The following SBF1 variants were observed in gnomAD, a reference collection of about 807,000 sequenced individuals.
SBF1 encodes SET binding factor 1.
SBF1 carries 65 observed loss-of-function variants against 215.8 expected under a neutral mutation model. The ratio of observed to expected loss-of-function variants is 0.30; its 90% CI spans 0.25 to 0.37. SBF1 has a LOEUF of 0.37. Among genes scored for constraint, SBF1 ranks in the 10% least tolerant of loss-of-function variants. The probability of loss-of-function intolerance (pLI) is 1.00; values close to 1 mark genes in which losing one functional copy is unlikely to be tolerated. For synonymous variants in SBF1, 1,410 were observed against 1,122.8 expected (o/e 1.26, Z -5.11); for missense variants, 2,634 against 2,667.8 (o/e 0.99, Z 0.28).
At chr22:50,449,311 G>A (rs756267510) in intron 36 of SBF1, among the ~76,000 whole-genome samples, 6 of 151,762 alleles carry the variant, frequency 4.0e-5, no homozygotes, top group Non-Finnish European at 8.8e-5. Flanking sequence ...AGAACATACA[G>A]TAAATTCAAG....
chr22:50,454,902 G>A lies in SBF1; in HGVS notation c.4724C>T (p.Pro1575Leu), dbSNP rs199779197. Residue 1575 changes from proline (P) to leucine (L), a missense_variant, in exon 35 of 41, where the codon CCG (proline) becomes CTG (leucine). Physicochemically the swap from Pro to Leu is moderately conservative, Grantham distance 98. Transcript: ENST00000380817. The part of the protein sequence containing the change: ...EEKGERRGQV[P>L]CRSVWEYVDR... ...CACATACTCCCACACAGACCTGCAC[G>A]GCACCTGGCCCCTGCGTTCCCCCTT... is the stretch of plus-strand genomic sequence containing the variant. 662 of 1,613,930 alleles carry A rather than the reference G, an allele frequency of 4.1e-4. No individual in the cohort carries two copies. The highest frequency in any genetic ancestry group is 5.5e-4 in the Non-Finnish European group (647 of 1,180,000).
At chr22:50,472,686 C>A (rs946375508) in intron 1 of SBF1, among the ~76,000 whole-genome samples, 1 of 152,208 alleles carries the variant, frequency 6.6e-6, no homozygotes, top group Non-Finnish European at 1.5e-5. Context: ...ACAAGGCTAT[C>A]AAGGGGCAAA....
At chr22:50,462,794 AG>A in intron 17 of SBF1, 75 bp downstream of exon 17, 1 of 1,605,032 alleles carries the variant, frequency 6.2e-7, no homozygotes, top group Non-Finnish European at 8.5e-7. Flanking sequence ...GCCACCAGGA[AG>A]GGGGGCTGGG....
At chr22:50,450,033 C>T (rs1257443719) in intron 36 of SBF1, among the ~76,000 whole-genome samples, 3 of 152,166 alleles carry the variant, frequency 2.0e-5, no homozygotes, top group Non-Finnish European at 4.4e-5. Flanking sequence ...CTTGCTGAGC[C>T]GAGGAGGCAG....
chr22:50,459,205 C>T lies in SBF1; in HGVS notation c.3826+50G>A, dbSNP rs570608684. On this transcript the variant is annotated intron_variant, in intron 28 of 40. Transcript: ENST00000380817. ...GCCTGCCAAACCATAAATGCCACCACGGCCCCCCAAAGTGCCCCTGCCCCA... is the reference window on the plus strand; with the variant it reads ...GCCTGCCAAACCATAAATGCCACCATGGCCCCCCAAAGTGCCCCTGCCCCA... The T allele has an allele frequency of 2.0e-5, 32 of 1,561,216 alleles. No homozygotes were observed. In the East Asian group the frequency reaches 2.5e-4, roughly 12 times the overall value.
chr22:50,466,180 G>A lies in SBF1; in HGVS notation c.867C>T (p.Asn289=), dbSNP rs369664171. The change falls in exon 8 of 41, where the codon AAC becomes AAT. Residue 289 remains asparagine (N), a synonymous_variant. Transcript: ENST00000380817. ...STPTPFIIGV[N]AAFQAETQEL... ...CCTGGGTCTCTGCCTGGAAGGCCGC[G>A]TTGACCCCAATGATGAAGGGCGTGG... 8 of 1,613,358 alleles carry A rather than the reference G, an allele frequency of 5.0e-6. No homozygotes were observed. Among genetic ancestry groups the A allele is most frequent in the Admixed American group, 3.3e-5 (2 of 60,006 alleles).
chr22:50,459,810 AG>A lies in SBF1; in HGVS notation c.3491+141del, dbSNP rs574758955. 1.5e-4 allele frequency: 192 copies of A among 1,318,628 alleles called. No individual in the cohort carries two copies. The African/African-American group carries it at 1.5e-3, about 11-fold the overall frequency. The allele number at this position is 1,318,628 out of a possible 1,614,324, so 81.7% of individuals were successfully genotyped here. A position where few individuals can be genotyped will look rare whatever the true frequency, so the allele number is the denominator to read the frequency against. ...CCACGGGGCCCCCCAGCCACCCCCCAGCCCTGTGGCCCGTCCCTCTGCCCGG... is the reference window on the plus strand; with the variant it reads ...CCACGGGGCCCCCCAGCCACCCCCCACCCTGTGGCCCGTCCCTCTGCCCGG... On this transcript the variant is annotated intron_variant, in intron 26 of 40. Coordinates refer to ENST00000380817, the MANE Select transcript of SBF1 (RefSeq NM_002972.4).
At chr22:50,473,019 G>C (rs959205210) in intron 1 of SBF1, among the ~76,000 whole-genome samples, 1 of 152,180 alleles carries the variant, frequency 6.6e-6, no homozygotes, top group Non-Finnish European at 1.5e-5. Flanking sequence ...CCTGCGCAAA[G>C]GACACACACA....
chr22:50,455,611 G>A (rs778137788), intron 31 of SBF1, 29 bp from the exon 32 acceptor site: 8 of 1,541,874 alleles, frequency 5.2e-6, no homozygotes, highest in South Asian at 2.4e-5. Flanking sequence ...TCAGCACCTC[G>A]GGGACCCACC....
rs946759112 is a variant in SBF1 at position 50,464,660 on chromosome 22, G to A, written c.1510C>T (p.Pro504Ser). 1.9e-6 allele frequency: 3 copies of A among 1,608,636 alleles called. No homozygotes were observed. The highest frequency in any genetic ancestry group is 1.3e-5 in the African/African-American group (1 of 75,066). ...GTGCCCTCATCCAGCCGGGGGAAGGGTCGGGGCACCCGTCGCAGGTGGCTG... is the reference window on the plus strand; with the variant it reads ...GTGCCCTCATCCAGCCGGGGGAAGGATCGGGGCACCCGTCGCAGGTGGCTG... ...ESSHLRRVPR[P>S]FPRLDEGTVQ... Residue 504 changes from proline to serine, a missense_variant, in exon 14 of 41, where the codon CCC becomes TCC. Pro to Ser is a moderately conservative substitution (Grantham distance 74). Coordinates refer to ENST00000380817, the MANE Select transcript of SBF1 (RefSeq NM_002972.4).
At chr22:50,458,042 G>A (rs1172991808) in intron 28 of SBF1, among the ~76,000 whole-genome samples, 4 of 152,210 alleles carry the variant, frequency 2.6e-5, no homozygotes, top group Non-Finnish European at 5.9e-5. Context: ...GCTCACGCCT[G>A]TAATCCCAGC....
rs1352022297 is a variant in SBF1 at position 50,445,271 on chromosome 22, C to CCGTT, written c.*1867_*1870dup. On this transcript the variant is annotated 3_prime_UTR_variant, in exon 41 of 41. Coordinates refer to ENST00000380817, the MANE Select transcript of SBF1 (RefSeq NM_002972.4). ...CAGCTTAGCAAATACTGACATTTTT[C>CCGTT]CGTTTGGGGGATGGGGGGAACCACT... 1.3e-5 allele frequency: 2 copies of CCGTT among 152,478 alleles called. No homozygotes were observed. The highest frequency in any genetic ancestry group is 4.8e-5 in the African/African-American group (2 of 41,420). The allele number at this position is 152,478 out of a possible 1,614,324, so 9.4% of individuals were successfully genotyped here.
Position 50,446,943 on chromosome 22 carries a change from T to C in SBF1, c.*199A>G. The C allele has an allele frequency of 2.8e-6, 2 of 707,700 alleles. No individual in the cohort carries two copies. Among genetic ancestry groups the C allele is most frequent in the Non-Finnish European group, 5.1e-6 (2 of 390,032 alleles). The allele number at this position is 707,700 out of a possible 1,614,324, so 43.8% of individuals were successfully genotyped here. On this transcript the variant is annotated 3_prime_UTR_variant, in exon 41 of 41. Transcript: ENST00000380817. ...GTACCTTGGCCACCTCCCGGCACGGTGCTCAGCTGTGACGCCAAAATAAGT... is the reference window on the plus strand; with the variant it reads ...GTACCTTGGCCACCTCCCGGCACGGCGCTCAGCTGTGACGCCAAAATAAGT...
In SBF1 at chr22:50,455,379, G is replaced by T. The variant is rs753485438; in HGVS notation, c.4399C>A (p.Pro1467Thr). ...VVSLVQLLSD[P>T]FYRTLEGFRL... is the part of the protein sequence containing the mutation. ...AAGCCCTCCAGCGTGCGGTAGAAGG[G>T]GTCTGAGAGCAGCTGCACCAAGGAT... Residue 1467 changes from proline to threonine, a missense_variant, in exon 33 of 41, where the codon CCC (proline) becomes ACC (threonine). Coordinates refer to ENST00000380817, the MANE Select transcript of SBF1 (RefSeq NM_002972.4). The T allele has an allele frequency of 1.2e-6, 2 of 1,613,030 alleles. No homozygotes were observed. Among genetic ancestry groups the T allele is most frequent in the Admixed American group, 3.3e-5 (2 of 60,000 alleles).
chr22:50,463,523 C>G, intron 15 of SBF1, 91 bp from the exon 16 acceptor site: 1 of 1,377,858 alleles, frequency 7.3e-7, no homozygotes, highest in South Asian at 1.5e-5. Flanking sequence ...CCAGGAGACC[C>G]AAATGCCTTT....
intron 30 of SBF1, 29 bp from the exon 31 acceptor site, chr22:50,456,424 G>A (rs768116434): frequency 1.1e-5 from 17 of 1,606,376 alleles, no homozygotes; most frequent in Non-Finnish European, 1.4e-5. Flanking sequence ...AGTCCCGTGA[G>A]ACACATGAGG....
intron 15 of SBF1, 115 bp downstream of exon 15, chr22:50,464,210 GCTGT>G: frequency 1.2e-6 from 1 of 834,622 alleles, no homozygotes; most frequent in Non-Finnish European, 1.9e-6. Flanking sequence ...GCCACCTCTA[GCTGT>G]CTGTTAGGCA....
At chr22:50,459,819 GC>G in intron 26 of SBF1, 132 bp downstream of exon 26, 1 of 1,338,334 alleles carries the variant, frequency 7.5e-7, no homozygotes, top group South Asian at 1.3e-5. Context: ...CAGCCCTGTG[GC>G]CCGTCCCTCT....
In SBF1 at chr22:50,465,207, C is replaced by T; in HGVS notation, c.1203+8G>A. ...TCCTACCCCACGCCCAGCCACCAGG[C>T]ACCCCACCTTATGGAAGCGGATGAC... On this transcript the variant is annotated splice_region_variant and intron_variant, in intron 11 of 40. Transcript: ENST00000380817. 6.2e-7 allele frequency: 1 copy of T among 1,612,734 alleles called. No homozygotes were observed. The highest frequency in any genetic ancestry group is 1.1e-5 in the South Asian group (1 of 90,876).
Sources: gnomAD v4.1 joint callset for allele counts (sites outside exome capture counted in the v4.1 genomes callset) on GRCh38, gnomAD v4.1.1 for gene constraint, MANE v1.5 for transcripts, NCBI Gene and HGNC (gene_info 2026-07-23, HGNC 2026-07-21) for gene names.